The following MCPH1 variants were observed in gnomAD, a reference collection of about 807,000 sequenced individuals.
MCPH1 encodes microcephalin.
In MCPH1, 104 loss-of-function variants were observed where a neutral mutation model predicts 84.5. The observed-to-expected ratio is 1.23, with a 90% CI of 1.05 to 1.45. The LOEUF is 1.45. Among genes scored for constraint, MCPH1 ranks in the 40% most tolerant of loss-of-function variants. The probability of loss-of-function intolerance (pLI) is 0.00; values close to 1 mark genes in which losing one functional copy is unlikely to be tolerated. For missense variants in MCPH1, 1,498 were observed against 1,005.7 expected, an observed-to-expected ratio of 1.49 and a Z score of -6.62; for synonymous variants, 514 against 366.8, an observed-to-expected ratio of 1.40 and a Z score of -4.58.
chr8:6,440,735 G>A (rs1158083392), intron 6 of MCPH1, among the ~76,000 whole-genome samples: 3 of 152,176 alleles, frequency 2.0e-5, no homozygotes, highest in Non-Finnish European at 4.4e-5. Context: ...ATTACTGACT[G>A]ACTTACCGAA....
intron 12 of MCPH1, among the ~76,000 whole-genome samples, chr8:6,615,060 G>T (rs1462147278): frequency 1.3e-5 from 2 of 152,196 alleles, no homozygotes; most frequent in African/African-American, 4.8e-5. Flanking sequence ...CGAACGGTCT[G>T]GTCCACACCT....
intron 11 of MCPH1, among the ~76,000 whole-genome samples, chr8:6,485,030 T>G (rs978030894): frequency 2.6e-5 from 4 of 152,092 alleles, no homozygotes; most frequent in Non-Finnish European, 5.9e-5. Flanking sequence ...AAATTTAAAT[T>G]AAGAAGAATA....
rs773080293 is a variant in MCPH1, at chr8:6,621,593, G to A, written c.2354G>A (p.Arg785Gln). Residue 785 changes from arginine to glutamine, a missense_variant, in exon 13 of 14, where the codon CGG becomes CAG. Physicochemically the swap from Arg to Gln is conservative, Grantham distance 43 (BLOSUM62 1). Coordinates refer to ENST00000344683, the MANE Select transcript of MCPH1 (RefSeq NM_024596.5). ...GAACTAGTCCACCTGTGCGGAGGCC[G>A]GGTCAGCCAAGTCCCCCGCCAGGCC... ...LCELVHLCGG[R>Q]VSQVPRQASI... 5.6e-6 allele frequency: 9 copies of A among 1,614,186 alleles called. No homozygotes were observed. Among genetic ancestry groups the A allele is most frequent in the East Asian group, 2.2e-5 (1 of 44,880 alleles).
At chr8:6,436,302 G>T in intron 5 of MCPH1, 140 bp downstream of exon 5, 1 of 954,900 alleles carries the variant, frequency 1.0e-6, no homozygotes, top group Non-Finnish European at 1.5e-6. Flanking sequence ...AAAACAAAAT[G>T]TCAGGAGCCT....
chr8:6,497,221 C>T lies in MCPH1; in HGVS notation c.2137-2631C>T, dbSNP rs369811081. On this transcript the variant is annotated intron_variant, in intron 11 of 13. Transcript: ENST00000344683. ...GAGGGCTGGGTGCGGTGGCTCACAC[C>T]TATAATCCCAACACGTTGAGAGGCC... 4.0e-5 allele frequency among the ~76,000 whole-genome samples: 6 copies of T among 151,768 alleles called. No individual in the cohort carries two copies. In the South Asian group the frequency reaches 1.3e-3, roughly 32 times the overall value.
intron 12 of MCPH1, among the ~76,000 whole-genome samples, chr8:6,588,789 C>T (rs1277092903): frequency 2.6e-5 from 4 of 152,258 alleles, no homozygotes; most frequent in Non-Finnish European, 4.4e-5. Flanking sequence ...CTCCTCTCTG[C>T]CCAGGTCTCA....
intron 12 of MCPH1, among the ~76,000 whole-genome samples, chr8:6,504,296 C>T (rs546950579): frequency 8.3e-6 from 1 of 120,554 alleles, no homozygotes; most frequent in South Asian, 2.7e-4. Flanking sequence ...CCAGCCTGGG[C>T]GACAGAGTGA....
chr8:6,546,895 C>G (rs906976243), intron 12 of MCPH1, among the ~76,000 whole-genome samples: 2 of 152,148 alleles, frequency 1.3e-5, no homozygotes, highest in Non-Finnish European at 2.9e-5. Flanking sequence ...TTAAGATGTA[C>G]CCTTCCGTGT....
intron 8 of MCPH1, 108 bp from the exon 9 acceptor site, chr8:6,455,035 G>A (rs967647362): frequency 1.9e-4 from 157 of 819,834 alleles, no homozygotes; most frequent in Non-Finnish European, 2.4e-5. Context: ...TATTTAAAAG[G>A]CCTATAACTT....
chr8:6,505,783 T>C (rs947327745), intron 12 of MCPH1, among the ~76,000 whole-genome samples: 1 of 136,150 alleles, frequency 7.3e-6, no homozygotes, highest in Non-Finnish European at 1.5e-5. Flanking sequence ...ATTCTTTATA[T>C]ATGTATATAT....
At chr8:6,495,708 G>A (rs1442864716) in intron 11 of MCPH1, among the ~76,000 whole-genome samples, 2 of 152,206 alleles carry the variant, frequency 1.3e-5, no homozygotes, top group Admixed American at 1.3e-4. Context: ...ACAGTTGGTG[G>A]AGTGAAGGGT....
chr8:6,470,318 C>G lies in MCPH1; in HGVS notation c.1936-7276C>G, dbSNP rs188315197. The stretch of plus-strand genomic sequence containing the variant: ...TATTTTTTCGAGACAAAGTCTCGCT[C>G]TGTCACCCAGGCTGGAGTGCAGTGG... On this transcript the variant is annotated intron_variant, in intron 9 of 13. Transcript: ENST00000344683. 4.9e-4 allele frequency among the ~76,000 whole-genome samples: 74 copies of G among 152,200 alleles called. No homozygotes were observed. The East Asian group carries it at 0.013, about 27-fold the overall frequency.
At position 6,590,089 on chromosome 8, in the gene MCPH1, A is replaced by G. The variant is rs7812949; in HGVS notation, c.2215-31365A>G. On this transcript the variant is annotated intron_variant, in intron 12 of 13. Coordinates refer to ENST00000344683, the MANE Select transcript of MCPH1 (RefSeq NM_024596.5). ...TCTTTATAATAGCAAAAAGTGGGGG[A>G]GTGAGGAACATTTGGTGCCGGAAGA... Among the ~76,000 whole-genome samples the G allele has an allele frequency of 2.8e-3, 430 of 152,218 alleles. 3 individuals are homozygous for G. Among genetic ancestry groups the G allele is most frequent in the African/African-American group, 9.7e-3 (402 of 41,528 alleles).
chr8:6,553,235 C>G (rs767690404), intron 12 of MCPH1, among the ~76,000 whole-genome samples: 1 of 152,078 alleles, frequency 6.6e-6, no homozygotes, highest in African/African-American at 2.4e-5. Context: ...ACTTTACTCT[C>G]GATGTGGCTG....
chr8:6,546,989 A>G (rs1030812419), intron 12 of MCPH1, among the ~76,000 whole-genome samples: 15 of 152,190 alleles, frequency 9.9e-5, no homozygotes, highest in African/African-American at 3.6e-4. Context: ...TCAGGTGAAC[A>G]GCATTTATAA....
chr8:6,591,604 G>A (rs1346826371), intron 12 of MCPH1, among the ~76,000 whole-genome samples: 3 of 152,188 alleles, frequency 2.0e-5, no homozygotes, highest in Non-Finnish European at 4.4e-5. Context: ...TCTTTCTGGT[G>A]TGCTTTGTGG....
chr8:6,462,201 C>T (rs1806368757), intron 9 of MCPH1, among the ~76,000 whole-genome samples: 1 of 152,188 alleles, frequency 6.6e-6, no homozygotes, highest in African/African-American at 2.4e-5. Flanking sequence ...ACATAGAATG[C>T]TTAAATTCCT....
chr8:6,632,474 TG>T (rs1376550570), intron 13 of MCPH1, among the ~76,000 whole-genome samples: 1 of 152,170 alleles, frequency 6.6e-6, no homozygotes, highest in Non-Finnish European at 1.5e-5. Context: ...ACATTGATCT[TG>T]ACCTAATACT....
intron 12 of MCPH1, among the ~76,000 whole-genome samples, chr8:6,536,984 A>C (rs1820618245): frequency 1.3e-5 from 2 of 151,710 alleles, no homozygotes; most frequent in Non-Finnish European, 2.9e-5. Flanking sequence ...AAAAAAAAAA[A>C]AAAAAACCAA....
Sources: gnomAD v4.1 joint callset for allele counts (sites outside exome capture counted in the v4.1 genomes callset) on GRCh38, gnomAD v4.1.1 for gene constraint, MANE v1.5 for transcripts, NCBI Gene and HGNC (gene_info 2026-07-23, HGNC 2026-07-21) for gene names.